The following TMEFF2 variants were observed in gnomAD, a reference collection of about 807,000 sequenced individuals.
The protein encoded by TMEFF2 is transmembrane protein with EGF like and two follistatin like domains 2.
In TMEFF2, 28 loss-of-function variants were observed where a neutral mutation model predicts 53.8. The observed-to-expected ratio is 0.52, with a 90% CI of 0.39 to 0.71. The LOEUF (loss-of-function observed/expected upper bound fraction) is 0.71, where lower values mean the gene tolerates loss of function less well. Among genes scored for constraint, TMEFF2 ranks in the 30% least tolerant of loss-of-function variants. TMEFF2 has a pLI of 0.00. For missense variants in TMEFF2, 353 were observed against 455.2 expected (o/e 0.78, Z 2.04); for synonymous variants, 162 against 166.3 (o/e 0.97, Z 0.20).
At chr2:191,990,997 T>C (rs942170382) in intron 7 of TMEFF2, among the ~76,000 whole-genome samples, 1 of 152,092 alleles carries the variant, frequency 6.6e-6, no homozygotes, top group African/African-American at 2.4e-5. Flanking sequence ...TGTCATAAGC[T>C]ATGTCTTCCT....
intron 5 of TMEFF2, among the ~76,000 whole-genome samples, chr2:192,015,880 T>C (rs1199485973): frequency 2.0e-5 from 3 of 152,204 alleles, no homozygotes; most frequent in African/African-American, 7.2e-5. Flanking sequence ...TACAGTGTCA[T>C]AGTTCAAGCA....
intron 8 of TMEFF2, 46 bp from the exon 9 acceptor site, chr2:191,953,883 A>ATTTTTTTTTTTTTTTTTTTTTTTTTT (rs563154787): frequency 5.6e-6 from 3 of 536,052 alleles, no homozygotes; most frequent in African/African-American, 3.0e-5. Context: ...TGCTGCATTC[A>ATTTTTTTTTTTTTTTTTTTTTTTTTT]TTTTTTTTTT....
At chr2:192,025,797 G>A (rs1686957323) in intron 5 of TMEFF2, among the ~76,000 whole-genome samples, 1 of 152,162 alleles carries the variant, frequency 6.6e-6, no homozygotes, top group African/African-American at 2.4e-5. Flanking sequence ...GCTAGCTCGA[G>A]GGGGCCTGAT....
chr2:192,045,422 A>G (rs925856327), intron 5 of TMEFF2, among the ~76,000 whole-genome samples: 3 of 152,188 alleles, frequency 2.0e-5, no homozygotes, highest in African/African-American at 7.2e-5. Context: ...AAGTATGTGG[A>G]TAGATCTCTC....
chr2:192,103,362 T>G (rs1259051402), intron 4 of TMEFF2, among the ~76,000 whole-genome samples: 1 of 152,098 alleles, frequency 6.6e-6, no homozygotes, highest in African/African-American at 2.4e-5. Flanking sequence ...CATATCCTGT[T>G]CACACCTCTG....
At chr2:191,999,775 A>G (rs1686312112) in intron 5 of TMEFF2, among the ~76,000 whole-genome samples, 1 of 151,888 alleles carries the variant, frequency 6.6e-6, no homozygotes, top group Non-Finnish European at 1.5e-5. Flanking sequence ...GGGCCACAAA[A>G]CCCTTTGGAA....
chr2:192,117,986 T>TTTTTTTTTTTTTTTGAGAC (rs1689456223), intron 4 of TMEFF2, among the ~76,000 whole-genome samples: 6 of 150,306 alleles, frequency 4.0e-5, no homozygotes, highest in African/African-American at 1.5e-4. Flanking sequence ...GCTTTGTTTG[T>TTTTTTTTTTTTTTTGAGAC]GGGCTTTACC....
chr2:192,077,408 G>A (rs1038367736), intron 4 of TMEFF2, among the ~76,000 whole-genome samples: 1 of 152,114 alleles, frequency 6.6e-6, no homozygotes, highest in Non-Finnish European at 1.5e-5. Context: ...GATATGAAAA[G>A]GATTCATAAC....
intron 7 of TMEFF2, among the ~76,000 whole-genome samples, chr2:191,957,062 A>G (rs1692125096): frequency 6.6e-6 from 1 of 152,206 alleles, no homozygotes; most frequent in Admixed American, 6.5e-5. Context: ...TAACAATGCT[A>G]TGTGAAACCT....
intron 5 of TMEFF2, among the ~76,000 whole-genome samples, chr2:192,045,319 C>G (rs1687589061): frequency 1.3e-5 from 2 of 152,168 alleles, no homozygotes; most frequent in East Asian, 1.9e-4. Flanking sequence ...TGACTGTACA[C>G]TGATTCATGG....
chr2:191,957,854 A>G (rs566256836), intron 7 of TMEFF2, among the ~76,000 whole-genome samples: 2 of 152,346 alleles, frequency 1.3e-5, no homozygotes, highest in East Asian at 3.9e-4. Context: ...TTTGAATTAC[A>G]GTATTTGCAC....
chr2:192,097,300 G>A (rs1385869187), intron 4 of TMEFF2, among the ~76,000 whole-genome samples: 1 of 152,230 alleles, frequency 6.6e-6, no homozygotes, highest in African/African-American at 2.4e-5. Context: ...AGATTTGGTT[G>A]TAATTCCAGT....
At chr2:192,112,023 C>G (rs1574382861) in intron 4 of TMEFF2, among the ~76,000 whole-genome samples, 1 of 152,202 alleles carries the variant, frequency 6.6e-6, no homozygotes, top group Admixed American at 6.5e-5. Flanking sequence ...AAGCCTGCTG[C>G]ATGGATGGAG....
At chr2:192,172,711 G>A (rs548668848) in intron 4 of TMEFF2, among the ~76,000 whole-genome samples, 1 of 152,064 alleles carries the variant, frequency 6.6e-6, no homozygotes, top group South Asian at 2.1e-4. Flanking sequence ...ATTACATTGA[G>A]TAGAACAGAT....
chr2:191,965,240 C>G (rs111821006), intron 7 of TMEFF2, among the ~76,000 whole-genome samples: 21 of 152,230 alleles, frequency 1.4e-4, no homozygotes, highest in African/African-American at 5.1e-4. Context: ...ATCCTTCTCC[C>G]ACTTCCTTCC....
intron 9 of TMEFF2, among the ~76,000 whole-genome samples, chr2:191,951,843 C>G (rs1691894451): frequency 6.6e-6 from 1 of 152,022 alleles, no homozygotes; most frequent in Non-Finnish European, 1.5e-5. Flanking sequence ...GCCTTCCCCT[C>G]AAAAGCCAAT....
At chr2:192,115,514 G>T (rs1193608649) in intron 4 of TMEFF2, among the ~76,000 whole-genome samples, 1 of 151,934 alleles carries the variant, frequency 6.6e-6, no homozygotes, top group Non-Finnish European at 1.5e-5. Context: ...AGTTTCTACA[G>T]AGCAAATGAA....
chr2:192,164,955 AGAAT>A (rs1690723785), intron 4 of TMEFF2, among the ~76,000 whole-genome samples: 1 of 148,480 alleles, frequency 6.7e-6, no homozygotes, highest in African/African-American at 2.5e-5. Flanking sequence ...ACATACTAGC[AGAAT>A]GAATACTCTG....
chr2:192,070,954 TGTC>T, intron 4 of TMEFF2, among the ~76,000 whole-genome samples: 1 of 151,932 alleles, frequency 6.6e-6, no homozygotes, highest in East Asian at 1.9e-4. Context: ...ACTAATGAGT[TGTC>T]GAGTGGAAAG....
Sources: allele counts gnomAD v4.1 joint callset (sites outside exome capture counted in the v4.1 genomes callset), GRCh38; gene constraint gnomAD v4.1.1; transcripts MANE v1.5; gene names NCBI Gene and HGNC (gene_info 2026-07-23, HGNC 2026-07-21).